ZNF407: variants seen among roughly 807,000 people sequenced by gnomAD.
The protein encoded by ZNF407 is zinc finger protein 407.
ZNF407 carries 17 observed loss-of-function variants against 131.2 expected under a neutral mutation model. That is an observed-to-expected ratio of 0.13 (90% confidence interval 0.09 to 0.19). ZNF407 has a LOEUF of 0.19. ZNF407 is among the 10% of genes least tolerant of loss of function. The probability of loss-of-function intolerance (pLI) is 1.00; values close to 1 mark genes in which losing one functional copy is unlikely to be tolerated. For synonymous variants in ZNF407, 1,156 were observed against 1,062.0 expected (o/e 1.09, Z -1.72); for missense variants, 2,681 against 2,830.6 (o/e 0.95, Z 1.20).
At chr18:74,707,382 A>G (rs1423725982) in intron 3 of ZNF407, among the ~76,000 whole-genome samples, 1 of 152,150 alleles carries the variant, frequency 6.6e-6, no homozygotes, top group East Asian at 1.9e-4. Flanking sequence ...CCCTTATCCA[A>G]ATGCTTGGAA....
intron 4 of ZNF407, among the ~76,000 whole-genome samples, chr18:74,797,963 A>G (rs1456908353): frequency 7.2e-5 from 11 of 152,120 alleles, no homozygotes; most frequent in Non-Finnish European, 1.6e-4. Context: ...AGCAGGAGGG[A>G]TCAAGGTGAG....
chr18:74,847,400 T>C (rs912216942), intron 4 of ZNF407, among the ~76,000 whole-genome samples: 1 of 152,226 alleles, frequency 6.6e-6, no homozygotes, highest in Non-Finnish European at 1.5e-5. Context: ...CTCTAAGACC[T>C]CTTCCCACTT....
Position 74,860,125 on chromosome 18 carries a change from A to G in ZNF407, c.4878-17072A>G, listed in dbSNP as rs913080050. On this transcript the variant is annotated intron_variant, in intron 4 of 8. Coordinates refer to ENST00000299687, the MANE Select transcript of ZNF407 (RefSeq NM_017757.3). The stretch of plus-strand genomic sequence containing the variant: ...GTTTGAGACCAGCCTGGGCAACATT[A>G]CAAGACCCTGTCTCTTTTAAAAGAT... Among the ~76,000 whole-genome samples the G allele has an allele frequency of 4.5e-4, 68 of 152,260 alleles. 1 individual carries two copies. The highest frequency in any genetic ancestry group is 1.6e-3 in the African/African-American group (65 of 41,548).
rs562584771 is a variant in ZNF407 at position 75,064,597 on chromosome 18, A to G, written c.*129A>G. Reference sequence around the variant, plus strand: ...GACAAGGCTCCCGTGAGCTCTGAGCATGCCCTCCCAGCGAGAGTCACACTG... The same window carrying G: ...GACAAGGCTCCCGTGAGCTCTGAGCGTGCCCTCCCAGCGAGAGTCACACTG... On this transcript the variant is annotated 3_prime_UTR_variant, in exon 9 of 9. Coordinates refer to ENST00000299687, the MANE Select transcript of ZNF407 (RefSeq NM_017757.3). 1.1e-5 allele frequency: 10 copies of G among 869,738 alleles called. No homozygotes were observed. The African/African-American group carries it at 1.3e-4, about 12-fold the overall frequency. The allele number at this position is 869,738 out of a possible 1,614,324, so 53.9% of individuals were successfully genotyped here. A position where few individuals can be genotyped will look rare whatever the true frequency, so the allele number is the denominator to read the frequency against.
At chr18:74,873,030 T>C (rs1971109727) in intron 4 of ZNF407, among the ~76,000 whole-genome samples, 1 of 152,180 alleles carries the variant, frequency 6.6e-6, no homozygotes, top group Non-Finnish European at 1.5e-5. Context: ...CATAAGGTTA[T>C]AGATATAACT....
At chr18:74,924,230 T>C (rs1240372433) in intron 8 of ZNF407, among the ~76,000 whole-genome samples, 5 of 152,242 alleles carry the variant, frequency 3.3e-5, no homozygotes, top group Admixed American at 3.3e-4. Context: ...TCTAGTAAGA[T>C]TCTGCTTCTT....
intron 4 of ZNF407, among the ~76,000 whole-genome samples, chr18:74,844,728 GA>G (rs1432990582): frequency 1.3e-5 from 2 of 151,998 alleles, no homozygotes; most frequent in African/African-American, 4.8e-5. Flanking sequence ...TCAAAACGGG[GA>G]AACACCATGA....
At chr18:74,624,165 G>A (rs991343919) in intron 1 of ZNF407, among the ~76,000 whole-genome samples, 1 of 152,016 alleles carries the variant, frequency 6.6e-6, no homozygotes, top group Non-Finnish European at 1.5e-5. Flanking sequence ...GCCTGTTTTC[G>A]CTTTGTTCCG....
chr18:74,741,841 TG>T (rs1968557970), intron 3 of ZNF407, among the ~76,000 whole-genome samples: 1 of 152,154 alleles, frequency 6.6e-6, no homozygotes, highest in African/African-American at 2.4e-5. Flanking sequence ...GGGTGTTACT[TG>T]GAATCTGTCA....
intron 4 of ZNF407, among the ~76,000 whole-genome samples, chr18:74,856,331 A>G (rs1356568346): frequency 2.6e-5 from 4 of 152,246 alleles, no homozygotes; most frequent in Non-Finnish European, 5.9e-5. Flanking sequence ...CCCAATTCAA[A>G]TTAAACTTCA....
intron 4 of ZNF407, among the ~76,000 whole-genome samples, chr18:74,781,753 A>T (rs1208745620): frequency 6.6e-6 from 1 of 152,200 alleles, no homozygotes; most frequent in Non-Finnish European, 1.5e-5. Flanking sequence ...ACCTTGAAAT[A>T]CTAGAAGAAT....
chr18:74,604,611 C>G (rs1982719712), intron 1 of ZNF407, among the ~76,000 whole-genome samples: 1 of 152,240 alleles, frequency 6.6e-6, no homozygotes, highest in African/African-American at 2.4e-5. Flanking sequence ...TTTGAAATCT[C>G]ATGCCCCATA....
intron 8 of ZNF407, among the ~76,000 whole-genome samples, chr18:75,049,536 A>G (rs763422382): frequency 6.6e-6 from 1 of 152,200 alleles, no homozygotes; most frequent in Non-Finnish European, 1.5e-5. Flanking sequence ...TCCTCTTTGC[A>G]GCATCTCCAA....
At chr18:74,918,979 G>C (rs537376767) in intron 7 of ZNF407, among the ~76,000 whole-genome samples, 1 of 152,226 alleles carries the variant, frequency 6.6e-6, no homozygotes, top group South Asian at 2.1e-4. Context: ...TTTTCCAAAG[G>C]ACTGTCTGGA....
chr18:75,013,894 T>C (rs1011670194), intron 8 of ZNF407, among the ~76,000 whole-genome samples: 1 of 152,188 alleles, frequency 6.6e-6, no homozygotes, highest in Non-Finnish European at 1.5e-5. Context: ...TTAGGTTCAG[T>C]ACCTCAGTGT....
At chr18:74,994,409 CAAA>C (rs1417615151) in intron 8 of ZNF407, among the ~76,000 whole-genome samples, 8 of 152,206 alleles carry the variant, frequency 5.3e-5, no homozygotes, top group Non-Finnish European at 1.2e-4. Flanking sequence ...CAGGTTGTGT[CAAA>C]GGGCTGTTTG....
chr18:74,882,244 A>G (rs916750495), intron 6 of ZNF407, among the ~76,000 whole-genome samples: 5 of 152,218 alleles, frequency 3.3e-5, no homozygotes, highest in African/African-American at 4.8e-5. Context: ...ATACTAATTT[A>G]TGTGTGCCTG....
At chr18:75,058,754 C>G (rs1973590872) in intron 8 of ZNF407, among the ~76,000 whole-genome samples, 1 of 152,192 alleles carries the variant, frequency 6.6e-6, no homozygotes, top group African/African-American at 2.4e-5. Context: ...GAGCTCAAAA[C>G]TGGAGGTCGA....
At chr18:74,888,846 A>C (rs1209004351) in intron 6 of ZNF407, among the ~76,000 whole-genome samples, 2 of 152,132 alleles carry the variant, frequency 1.3e-5, no homozygotes, top group African/African-American at 4.8e-5. Context: ...CCAGTATGCT[A>C]TTTCACTATC....
Sources: allele counts gnomAD v4.1 joint callset (sites outside exome capture counted in the v4.1 genomes callset), GRCh38; gene constraint gnomAD v4.1.1; transcripts MANE v1.5; gene names NCBI Gene and HGNC (gene_info 2026-07-23, HGNC 2026-07-21).